The following TYW1B variants were observed in gnomAD, a reference collection of about 807,000 sequenced individuals.
The protein encoded by TYW1B is tRNA-yW synthesizing protein 1 homolog B, also known as S-adenosyl-L-methionine-dependent tRNA 4-demethylwyosine synthase TYW1B.
Under a neutral mutation model 86.9 loss-of-function variants are expected in TYW1B, and 73 were observed. That is an observed-to-expected ratio of 0.84 (90% CI 0.70 to 1.02). The LOEUF (loss-of-function observed/expected upper bound fraction) is 1.02, where lower values mean the gene tolerates loss of function less well. TYW1B is among the 50% of genes least tolerant of loss of function. The pLI is 0.00. For missense variants in TYW1B, 637 were observed against 827.4 expected (o/e 0.77, Z 2.82); for synonymous variants, 248 against 292.8 (o/e 0.85, Z 1.56).
intron 9 of TYW1B, among the ~76,000 whole-genome samples, chr7:72,724,971 C>G (rs556383976): frequency 2.0e-5 from 3 of 152,210 alleles, no homozygotes; most frequent in East Asian, 1.9e-4. Flanking sequence ...TTTTAAAACT[C>G]TTTTGTTTTC....
chr7:72,670,758 T>C (rs1350263216), intron 11 of TYW1B, among the ~76,000 whole-genome samples: 1 of 152,144 alleles, frequency 6.6e-6, no homozygotes, highest in Non-Finnish European at 1.5e-5. Flanking sequence ...AAATGGAGTA[T>C]GAAAGGAAAC....
At chr7:72,695,749 C>T (rs1344682500) in intron 10 of TYW1B, among the ~76,000 whole-genome samples, 4 of 151,962 alleles carry the variant, frequency 2.6e-5, no homozygotes, top group African/African-American at 9.7e-5. Context: ...TGTGCCACCA[C>T]GCCCGGCTAA....
At chr7:72,670,530 A>C (rs1339904821) in intron 11 of TYW1B, among the ~76,000 whole-genome samples, 3 of 152,200 alleles carry the variant, frequency 2.0e-5, no homozygotes, top group Non-Finnish European at 4.4e-5. Context: ...AAGTACTCTT[A>C]ACCCCACTTT....
At chr7:72,639,768 A>G (rs782803354) in intron 11 of TYW1B, among the ~76,000 whole-genome samples, 2 of 152,002 alleles carry the variant, frequency 1.3e-5, no homozygotes, top group Non-Finnish European at 2.9e-5. Context: ...CGGGAGGCTC[A>G]GGCAGGAGAA....
chr7:72,701,911 C>G (rs1474504572), intron 10 of TYW1B, among the ~76,000 whole-genome samples: 11 of 152,142 alleles, frequency 7.2e-5, no homozygotes, highest in African/African-American at 2.4e-4. Flanking sequence ...GTTTGCAACT[C>G]TGCCTTGGTT....
intron 12 of TYW1B, among the ~76,000 whole-genome samples, chr7:72,617,523 C>T (rs868990150): frequency 5.3e-5 from 8 of 150,758 alleles, no homozygotes; most frequent in South Asian, 2.1e-4. Context: ...CCTGCCACCA[C>T]GCCTGGCTAA....
At chr7:72,672,547 A>G (rs35090610) in intron 11 of TYW1B, among the ~76,000 whole-genome samples, 6 of 150,596 alleles carry the variant, frequency 4.0e-5, no homozygotes, top group Admixed American at 1.3e-4. Context: ...TTAGCCTTCT[A>G]TATTTCTGGG....
chr7:72,632,367 G>GTATATAT (rs1195035421), intron 11 of TYW1B, among the ~76,000 whole-genome samples: 1 of 60,468 alleles, frequency 1.7e-5, no homozygotes, highest in African/African-American at 9.1e-5. Flanking sequence ...ATATATATAC[G>GTATATAT]CATATATATT....
At chr7:72,778,721 T>C (rs1585977371) in intron 6 of TYW1B, among the ~76,000 whole-genome samples, 1 of 152,194 alleles carries the variant, frequency 6.6e-6, no homozygotes, top group East Asian at 1.9e-4. Flanking sequence ...AGGATATTTT[T>C]CTTCAGTGAT....
intron 13 of TYW1B, among the ~76,000 whole-genome samples, chr7:72,599,285 A>C (rs1260783267): frequency 1.3e-5 from 2 of 152,250 alleles, no homozygotes; most frequent in Admixed American, 6.5e-5. Flanking sequence ...GAAAAAAAAA[A>C]TCACATGATC....
chr7:72,803,909 C>A (rs1788449533), intron 5 of TYW1B, among the ~76,000 whole-genome samples: 1 of 151,950 alleles, frequency 6.6e-6, no homozygotes. Flanking sequence ...CCACCGTGCC[C>A]AGCTGATAAA....
chr7:72,738,207 A>G (rs1331281041), intron 8 of TYW1B, among the ~76,000 whole-genome samples: 1 of 151,634 alleles, frequency 6.6e-6, no homozygotes, highest in African/African-American at 2.4e-5. Context: ...CAGCCTCCCA[A>G]GTAGCTGGGA....
chr7:72,737,266 T>C (rs781977000), intron 8 of TYW1B, among the ~76,000 whole-genome samples: 12 of 152,228 alleles, frequency 7.9e-5, no homozygotes, highest in Non-Finnish European at 1.3e-4. Flanking sequence ...TGGAAACAGA[T>C]GGCAAATTCT....
intron 13 of TYW1B, among the ~76,000 whole-genome samples, chr7:72,599,839 T>C (rs1185434255): frequency 3.9e-5 from 6 of 152,054 alleles, no homozygotes; most frequent in Non-Finnish European, 7.4e-5. Flanking sequence ...ACACGATATA[T>C]ATATGTAGAA....
At chr7:72,771,712 AT>A (rs60247630) in intron 7 of TYW1B, among the ~76,000 whole-genome samples, 15 of 149,148 alleles carry the variant, frequency 1.0e-4, no homozygotes, top group East Asian at 5.9e-4. Context: ...ATTTAGCAAA[AT>A]TTTTTTTTTT....
intron 11 of TYW1B, among the ~76,000 whole-genome samples, chr7:72,690,954 T>C (rs782485989): frequency 3.2e-4 from 49 of 152,156 alleles, no homozygotes; most frequent in Non-Finnish European, 4.9e-4. Flanking sequence ...GGTTTCACCA[T>C]ATTGGCCGGG....
At chr7:72,731,328 G>A (rs547605509) in intron 8 of TYW1B, among the ~76,000 whole-genome samples, 30 of 134,518 alleles carry the variant, frequency 2.2e-4, no homozygotes, top group Admixed American at 9.9e-4. Context: ...CACTGGTAGG[G>A]CAGATATACA....
intron 2 of TYW1B, among the ~76,000 whole-genome samples, chr7:72,821,763 C>G (rs1379047397): frequency 6.6e-6 from 1 of 152,080 alleles, no homozygotes; most frequent in African/African-American, 2.4e-5. Context: ...TTGGACCAAG[C>G]AACTGGAAGG....
chr7:72,651,479 A>ATGG (rs35462208), intron 11 of TYW1B, among the ~76,000 whole-genome samples: 68,100 of 146,386 alleles, frequency 0.47, 17,271 homozygotes, highest in African/African-American at 0.72. Context: ...TTAGCTGGGC[A>ATGG]TGGCGGGCAC....
Sources: gnomAD v4.1 joint callset for allele counts (sites outside exome capture counted in the v4.1 genomes callset) on GRCh38, gnomAD v4.1.1 for gene constraint, MANE v1.5 for transcripts, NCBI Gene and HGNC (gene_info 2026-07-23, HGNC 2026-07-21) for gene names.